Variants in DLGAP2 observed in about 807,000 individuals in gnomAD.
The protein encoded by DLGAP2 is disks large-associated protein 2.
DLGAP2 carries 26 observed loss-of-function variants against 100.3 expected under a neutral mutation model. The observed-to-expected ratio is 0.26, with a 90% CI of 0.19 to 0.36. The LOEUF (loss-of-function observed/expected upper bound fraction) is 0.36. DLGAP2 is among the 10% of genes least tolerant of loss of function. The pLI, the probability that DLGAP2 is intolerant of heterozygous loss-of-function variation, is 1.00. For missense variants in DLGAP2, 1,858 were observed against 1,453.2 expected (o/e 1.28, Z -4.53); for synonymous variants, 886 against 630.1 (o/e 1.41, Z -6.08).
chr8:1,646,890 T>G (rs754861480), intron 8 of DLGAP2, among the ~76,000 whole-genome samples: 2 of 152,194 alleles, frequency 1.3e-5, no homozygotes, highest in Non-Finnish European at 2.9e-5. Flanking sequence ...TTGTCCCTTC[T>G]TCTAATCAGC....
At chr8:1,197,775 A>C (rs577754013) in intron 2 of DLGAP2, among the ~76,000 whole-genome samples, 6 of 152,324 alleles carry the variant, frequency 3.9e-5, no homozygotes, top group African/African-American at 1.4e-4. Flanking sequence ...GGGCCACCAG[A>C]TGTCCACATG....
At chr8:1,168,246 G>A in intron 2 of DLGAP2, among the ~76,000 whole-genome samples, 1 of 151,978 alleles carries the variant, frequency 6.6e-6, no homozygotes, top group South Asian at 2.1e-4. Flanking sequence ...ATTCCATGGT[G>A]TATAGGTGCC....
In DLGAP2 at chr8:823,488, T is replaced by C. The variant is rs75363306; in HGVS notation, c.19-84424T>C. 2.6e-5 allele frequency among the ~76,000 whole-genome samples: 4 copies of C among 152,134 alleles called. No individual in the cohort carries two copies. In the East Asian group the frequency reaches 5.8e-4, roughly 22 times the overall value. ...TTAATTGCAAAGAAAAGACTCACTC[T>C]GGTGTGTTTAAGCAGAAGATAACTT... On this transcript the variant is annotated intron_variant, in intron 1 of 14. Transcript: ENST00000637795.
At chr8:1,697,475 T>C (rs1799431278) in intron 14 of DLGAP2, among the ~76,000 whole-genome samples, 176 bp downstream of exon 14, 1 of 152,208 alleles carries the variant, frequency 6.6e-6, no homozygotes, top group South Asian at 2.1e-4. Context: ...TGCGTGTGTG[T>C]GCATGTGCCG....
At chr8:1,641,865 A>G (rs970520481) in intron 8 of DLGAP2, among the ~76,000 whole-genome samples, 4 of 151,126 alleles carry the variant, frequency 2.6e-5, no homozygotes, top group African/African-American at 9.8e-5. Context: ...TCTGCCTCCC[A>G]TACCCCTCGA....
intron 1 of DLGAP2, among the ~76,000 whole-genome samples, chr8:873,826 T>A (rs998392307): frequency 1.3e-5 from 2 of 152,204 alleles, no homozygotes; most frequent in Non-Finnish European, 2.9e-5. Flanking sequence ...TTGGCAGAAT[T>A]CAGTAGAGAT....
intron 1 of DLGAP2, among the ~76,000 whole-genome samples, chr8:756,560 A>G (rs896727833): frequency 9.9e-5 from 15 of 152,116 alleles, no homozygotes; most frequent in Non-Finnish European, 1.9e-4. Context: ...CCCTGATTTC[A>G]TATTCATATG....
At chr8:1,365,370 G>A (rs578182797) in intron 3 of DLGAP2, among the ~76,000 whole-genome samples, 3 of 152,278 alleles carry the variant, frequency 2.0e-5, no homozygotes, top group Middle Eastern at 3.4e-3. Context: ...GGGGAGCAGG[G>A]AGATGCTTGG....
intron 6 of DLGAP2, 138 bp downstream of exon 6, chr8:1,566,032 T>C (rs762157201): frequency 1.5e-5 from 9 of 600,346 alleles, no homozygotes; most frequent in Non-Finnish European, 2.3e-5. Flanking sequence ...GACCCATGGC[T>C]GTCAATTTTC....
In DLGAP2 at chr8:1,701,447, C is replaced by T. The variant is rs1381722599; in HGVS notation, c.*41C>T. The T allele has an allele frequency of 1.9e-6, 3 of 1,540,994 alleles. No individual in the cohort carries two copies. In the Admixed American group the frequency reaches 5.9e-5, roughly 30 times the overall value. On this transcript the variant is annotated 3_prime_UTR_variant, in exon 15 of 15. Coordinates refer to ENST00000637795, the MANE Select transcript of DLGAP2 (RefSeq NM_001346810.2). ...CCTTCCCCTCGTCGCTTCCGCTTTC[C>T]CGGACGCTTGTGCAGCGCGGCGCCG...
intron 3 of DLGAP2, among the ~76,000 whole-genome samples, chr8:1,498,035 T>C (rs1353427058): frequency 1.3e-5 from 2 of 152,176 alleles, no homozygotes; most frequent in Non-Finnish European, 2.9e-5. Flanking sequence ...CCTGTAGATG[T>C]ACCTTGGTTG....
chr8:1,550,328 T>TATC (rs758756479), intron 5 of DLGAP2, among the ~76,000 whole-genome samples: 17 of 152,190 alleles, frequency 1.1e-4, no homozygotes, highest in Non-Finnish European at 2.5e-4. Flanking sequence ...GGCGGGACGT[T>TATC]ATCTACGGGC....
At chr8:1,492,360 A>G (rs1187339026) in intron 3 of DLGAP2, among the ~76,000 whole-genome samples, 12 of 152,216 alleles carry the variant, frequency 7.9e-5, no homozygotes, top group Admixed American at 2.6e-4. Context: ...TCCTGTCATT[A>G]GGGAAGCGGC....
intron 3 of DLGAP2, among the ~76,000 whole-genome samples, chr8:1,392,017 T>G: frequency 6.6e-6 from 1 of 152,236 alleles, no homozygotes; most frequent in Non-Finnish European, 1.5e-5. Flanking sequence ...CGTGAAGAAC[T>G]GTTTGAATCG....
At chr8:1,633,420 G>A (rs954663021) in intron 8 of DLGAP2, among the ~76,000 whole-genome samples, 1 of 152,144 alleles carries the variant, frequency 6.6e-6, no homozygotes, top group Non-Finnish European at 1.5e-5. Flanking sequence ...CTCTCAGGCT[G>A]CCCTGTAGTG....
At chr8:1,502,283 A>G (rs528533317) in intron 4 of DLGAP2, among the ~76,000 whole-genome samples, 33 of 152,336 alleles carry the variant, frequency 2.2e-4, no homozygotes, top group African/African-American at 7.0e-4. Context: ...CATAAGTTCA[A>G]TTTATATTTA....
At chr8:1,500,639 G>A (rs764512960) in intron 3 of DLGAP2, among the ~76,000 whole-genome samples, 1 of 152,266 alleles carries the variant, frequency 6.6e-6, no homozygotes, top group Admixed American at 6.5e-5. Flanking sequence ...TGACAAGCTT[G>A]TCTGTCTCCC....
At chr8:1,478,593 G>A (rs892252638) in intron 3 of DLGAP2, among the ~76,000 whole-genome samples, 1 of 152,110 alleles carries the variant, frequency 6.6e-6, no homozygotes, top group Admixed American at 6.5e-5. Flanking sequence ...TCCGGGACGC[G>A]GCACCTGGAT....
At chr8:1,215,373 C>T (rs898054689) in intron 2 of DLGAP2, among the ~76,000 whole-genome samples, 23 of 152,180 alleles carry the variant, frequency 1.5e-4, no homozygotes, top group Admixed American at 8.5e-4. Context: ...GCTAATCGTG[C>T]AGGTTGAGAG....
Sources: gnomAD v4.1 joint callset for allele counts (sites outside exome capture counted in the v4.1 genomes callset) on GRCh38, gnomAD v4.1.1 for gene constraint, MANE v1.5 for transcripts, NCBI Gene and HGNC (gene_info 2026-07-23, HGNC 2026-07-21) for gene names.